Variants in YTHDC2 observed in about 807,000 individuals in gnomAD.
YTHDC2 encodes the protein 3'-5' RNA helicase YTHDC2.
In YTHDC2, 45 loss-of-function variants were observed where a neutral mutation model predicts 174.9. The ratio of observed to expected loss-of-function variants is 0.26; its 90% CI spans 0.20 to 0.33. The LOEUF is 0.33. Ranked by LOEUF, YTHDC2 falls within the 10% of genes least tolerant of loss-of-function variation. The probability of loss-of-function intolerance (pLI) is 1.00; values close to 1 mark genes in which losing one functional copy is unlikely to be tolerated. For missense variants in YTHDC2, 1,650 were observed against 1,723.7 expected, an observed-to-expected ratio of 0.96 and a Z score of 0.76; for synonymous variants, 657 against 574.5, an observed-to-expected ratio of 1.14 and a Z score of -2.05.
intron 2 of YTHDC2, among the ~76,000 whole-genome samples, chr5:113,515,717 C>A (rs1274797016): frequency 6.6e-6 from 1 of 151,966 alleles, no homozygotes; most frequent in African/African-American, 2.4e-5. Context: ...GGGGAGAACT[C>A]GATAGTAACT....
Position 113,581,458 on chromosome 5 carries a change from C to G in YTHDC2, c.3396C>G (p.Ser1132Arg). The G allele has an allele frequency of 1.9e-6, 3 of 1,612,626 alleles. No homozygotes were observed. The highest frequency in any genetic ancestry group is 2.5e-6 in the Non-Finnish European group (3 of 1,179,412). Residue 1132 changes from serine (S) to arginine (R), a missense_variant, in exon 25 of 30, where the codon AGC (serine) becomes AGG (arginine). By Grantham distance (110) the Ser-to-Arg change is moderately radical. Transcript: ENST00000161863. The stretch of plus-strand genomic sequence containing the variant: ...TGCAGCTCAGACAGAAGTGGCATAG[C>G]TTATTTTTACGCCGAATGAGAGCTC... ...LLLQLRQKWH[S>R]LFLRRMRAPS... is the part of the protein sequence containing the mutation.
At chr5:113,541,284 CG>C (rs992252523) in intron 9 of YTHDC2, among the ~76,000 whole-genome samples, 168 bp downstream of exon 9, 4 of 151,732 alleles carry the variant, frequency 2.6e-5, no homozygotes, top group African/African-American at 9.7e-5. Flanking sequence ...CTCCGCGTTC[CG>C]GGTTCACGCC....
intron 9 of YTHDC2, among the ~76,000 whole-genome samples, chr5:113,542,023 A>G (rs1396439004): frequency 2.0e-5 from 3 of 152,184 alleles, no homozygotes; most frequent in Non-Finnish European, 4.4e-5. Context: ...TGGCATCAGT[A>G]TTAAAAAGCT....
intron 16 of YTHDC2, among the ~76,000 whole-genome samples, chr5:113,554,787 A>G (rs909619702): frequency 6.6e-6 from 1 of 151,924 alleles, no homozygotes; most frequent in Non-Finnish European, 1.5e-5. Flanking sequence ...TGGAATGCCC[A>G]GCAGTTGTCC....
intron 18 of YTHDC2, among the ~76,000 whole-genome samples, chr5:113,562,793 C>T (rs939052547): frequency 2.6e-5 from 4 of 152,172 alleles, no homozygotes; most frequent in Non-Finnish European, 1.5e-5. Context: ...CTCCCTCTCC[C>T]ACCCTTTTCT....
intron 4 of YTHDC2, 35 bp from the exon 5 acceptor site, chr5:113,532,844 A>G (rs1774769223): frequency 6.3e-7 from 1 of 1,575,114 alleles, no homozygotes; most frequent in Non-Finnish European, 8.6e-7. Flanking sequence ...TTATGTGATC[A>G]TGTCATCTTA....
chr5:113,519,494 G>A (rs1773715512), intron 2 of YTHDC2, among the ~76,000 whole-genome samples: 1 of 152,120 alleles, frequency 6.6e-6, no homozygotes, highest in Admixed American at 6.5e-5. Flanking sequence ...AATGAACTTT[G>A]TTAAAAATCT....
intron 11 of YTHDC2, 32 bp from the exon 12 acceptor site, chr5:113,548,923 T>A: frequency 1.9e-6 from 3 of 1,587,984 alleles, no homozygotes; most frequent in Non-Finnish European, 2.6e-6. Context: ...ACAATTTTGA[T>A]GACATCTTAT....
chr5:113,557,428 T>C (rs1183129951), intron 17 of YTHDC2, among the ~76,000 whole-genome samples: 2 of 152,222 alleles, frequency 1.3e-5, no homozygotes, highest in East Asian at 1.9e-4. Flanking sequence ...GTTGTTGTTA[T>C]GTCAGTTGTT....
intron 25 of YTHDC2, 31 bp downstream of exon 25, chr5:113,581,740 C>T (rs1209176114): frequency 7.0e-7 from 1 of 1,427,274 alleles, no homozygotes; most frequent in Non-Finnish European, 9.2e-7. Flanking sequence ...CAAAATGGGT[C>T]ACTTTTTATT....
chr5:113,578,487 G>A (rs1778205579), intron 23 of YTHDC2, among the ~76,000 whole-genome samples: 1 of 152,096 alleles, frequency 6.6e-6, no homozygotes, highest in Non-Finnish European at 1.5e-5. Flanking sequence ...TATTGATGTG[G>A]TATATAGATT....
At position 113,584,076 on chromosome 5, in the gene YTHDC2, C is replaced by T. The variant is rs77307093; in HGVS notation, c.3648-226C>T. The T allele has an allele frequency of 4.5e-3, 1,521 of 340,270 alleles. 24 individuals are homozygous for T. Among genetic ancestry groups the T allele is most frequent in the African/African-American group, 0.03 (1,430 of 47,522 alleles). The allele number at this position is 340,270 out of a possible 1,614,324, so 21.1% of individuals were successfully genotyped here. On this transcript the variant is annotated intron_variant, in intron 25 of 29. Coordinates refer to ENST00000161863, the MANE Select transcript of YTHDC2 (RefSeq NM_022828.5). ...AGGAAATTAAAGTTCCAATAAGTTA[C>T]GAGGCTTGCTCAGGATCTCATACCT...
At chr5:113,550,805 A>C (rs1776206020) in intron 12 of YTHDC2, among the ~76,000 whole-genome samples, 1 of 152,146 alleles carries the variant, frequency 6.6e-6, no homozygotes, top group Non-Finnish European at 1.5e-5. Context: ...ATCACAAGGG[A>C]ATCCTGTAAA....
chr5:113,556,150 T>C lies in YTHDC2; in HGVS notation c.2216+16T>C, dbSNP rs1317307616. ...GGAAAGGCAGGTAATGTATATTTAA[T>C]GTATATTCATTCAATTGCCTGTAAA... On this transcript the variant is annotated intron_variant, in intron 17 of 29. Transcript: ENST00000161863. The C allele has an allele frequency of 3.3e-6, 5 of 1,507,084 alleles. No individual in the cohort carries two copies. Among genetic ancestry groups the C allele is most frequent in the Non-Finnish European group, 4.6e-6 (5 of 1,090,820 alleles). The allele number at this position is 1,507,084 out of a possible 1,614,324, so 93.4% of individuals were successfully genotyped here.
In YTHDC2 at chr5:113,515,288, T is replaced by G; in HGVS notation, c.204T>G (p.Ser68=). The G allele has an allele frequency of 6.2e-7, 1 of 1,604,710 alleles. No homozygotes were observed. The highest frequency in any genetic ancestry group is 8.5e-7 in the Non-Finnish European group (1 of 1,177,242). ...TCCGTGTAGAAATGGAATTTCCTTCTTCTTTGACCAGTACTGAAAGAGCCT... is the reference window on the plus strand; with the variant it reads ...TCCGTGTAGAAATGGAATTTCCTTCGTCTTTGACCAGTACTGAAAGAGCCT... The part of the protein sequence containing the change: ...YGDQREMEFP[S]SLTSTERAFI... Residue 68 remains serine (S), a synonymous_variant, in exon 2 of 30, where the codon TCT becomes TCG. Transcript: ENST00000161863.
intron 2 of YTHDC2, among the ~76,000 whole-genome samples, chr5:113,516,497 G>C (rs540352658): frequency 1.3e-5 from 2 of 152,266 alleles, no homozygotes; most frequent in African/African-American, 4.8e-5. Flanking sequence ...CTCACTGTTG[G>C]TGCTATTGAC....
chr5:113,535,925 G>T (rs1775031721), intron 7 of YTHDC2, 127 bp downstream of exon 7: 3 of 700,440 alleles, frequency 4.3e-6, no homozygotes, highest in Admixed American at 7.1e-5. Flanking sequence ...ACCTGAGATA[G>T]GCTTAATTGT....
chr5:113,539,205 A>G (rs1378214913), intron 8 of YTHDC2, 24 bp downstream of exon 8: 5 of 1,050,658 alleles, frequency 4.8e-6, no homozygotes, highest in Admixed American at 3.2e-5. Flanking sequence ...TAAAAGAAAT[A>G]TAAAAGAAAT....
chr5:113,528,840 C>T (rs757118384), intron 4 of YTHDC2, among the ~76,000 whole-genome samples: 1 of 152,152 alleles, frequency 6.6e-6, no homozygotes, highest in Non-Finnish European at 1.5e-5. Flanking sequence ...TCTCCTGCCA[C>T]CCTGTGTCAC....
Sources: allele counts gnomAD v4.1 joint callset (sites outside exome capture counted in the v4.1 genomes callset), GRCh38; gene constraint gnomAD v4.1.1; transcripts MANE v1.5; gene names NCBI Gene and HGNC (gene_info 2026-07-23, HGNC 2026-07-21).